The following TMTC2 variants were observed in gnomAD, a reference collection of about 807,000 sequenced individuals.
The protein encoded by TMTC2 is protein O-mannosyl-transferase TMTC2.
Under a neutral mutation model 82.4 loss-of-function variants are expected in TMTC2, and 43 were observed. The ratio of observed to expected loss-of-function variants is 0.52; its 90% CI spans 0.41 to 0.67. TMTC2 has a LOEUF of 0.67. TMTC2 is among the 30% of genes least tolerant of loss of function. The probability of loss-of-function intolerance (pLI) is 0.00; values close to 1 mark genes in which losing one functional copy is unlikely to be tolerated. For missense variants in TMTC2, 919 were observed against 1,012.4 expected, an observed-to-expected ratio of 0.91 and a Z score of 1.25; for synonymous variants, 408 against 381.9, an observed-to-expected ratio of 1.07 and a Z score of -0.80.
intron 3 of TMTC2, among the ~76,000 whole-genome samples, chr12:82,914,323 T>A (rs555977320): frequency 4.3e-4 from 65 of 152,270 alleles, no homozygotes; most frequent in African/African-American, 7.2e-4. Flanking sequence ...TTCTTTTTTT[T>A]AAAAAAATTC....
chr12:82,747,511 C>T (rs544021546), intron 1 of TMTC2, among the ~76,000 whole-genome samples: 2 of 152,152 alleles, frequency 1.3e-5, no homozygotes, highest in Admixed American at 1.3e-4. Flanking sequence ...ATTTCTCTGT[C>T]ATAATGCCAA....
intron 1 of TMTC2, among the ~76,000 whole-genome samples, chr12:82,731,088 G>A (rs924149362): frequency 1.3e-5 from 2 of 152,200 alleles, no homozygotes; most frequent in African/African-American, 4.8e-5. Context: ...AGAATCAAGT[G>A]CTAGACTTAT....
intron 1 of TMTC2, among the ~76,000 whole-genome samples, chr12:82,843,181 G>A (rs1870439762): frequency 6.6e-6 from 1 of 151,936 alleles, no homozygotes. Flanking sequence ...CTGCCTCCCG[G>A]GTTCAAGCGA....
chr12:82,933,947 C>G (rs140582646), intron 4 of TMTC2, among the ~76,000 whole-genome samples: 139 of 152,074 alleles, frequency 9.1e-4, no homozygotes, highest in African/African-American at 3.2e-3. Context: ...AAATTATATC[C>G]AAGAGGTATA....
intron 2 of TMTC2, among the ~76,000 whole-genome samples, chr12:82,876,876 T>C (rs991733128): frequency 1.1e-4 from 16 of 152,230 alleles, no homozygotes; most frequent in Non-Finnish European, 2.9e-5. Flanking sequence ...ATCTCATATC[T>C]AGAGTTTTCT....
At chr12:82,718,386 C>T (rs936379460) in intron 1 of TMTC2, among the ~76,000 whole-genome samples, 4 of 152,156 alleles carry the variant, frequency 2.6e-5, no homozygotes, top group Non-Finnish European at 5.9e-5. Flanking sequence ...CTGAATTATA[C>T]CTGTAGATCC....
At chr12:82,986,568 A>C (rs1023887773) in intron 8 of TMTC2, 7 of 152,958 alleles carry the variant, frequency 4.6e-5, no homozygotes, top group African/African-American at 1.7e-4. Context: ...GTTAGCCCCA[A>C]ATTGGCTATA....
intron 2 of TMTC2, among the ~76,000 whole-genome samples, chr12:82,878,115 A>G (rs907761770): frequency 6.6e-6 from 1 of 152,168 alleles, no homozygotes; most frequent in Non-Finnish European, 1.5e-5. Context: ...CATTTGCTCA[A>G]TCATTCATGT....
At chr12:82,825,509 A>G (rs952536120) in intron 1 of TMTC2, among the ~76,000 whole-genome samples, 8 of 152,104 alleles carry the variant, frequency 5.3e-5, no homozygotes, top group African/African-American at 1.7e-4. Flanking sequence ...TTGTCACTGG[A>G]GCTTCCTTTT....
rs558347475 is a variant in TMTC2 at position 83,116,182 on chromosome 12, TC to T, written c.2332-16026del. 8.5e-4 allele frequency among the ~76,000 whole-genome samples: 129 copies of T among 152,350 alleles called. 1 individual carries two copies. The highest frequency in any genetic ancestry group is 1.3e-3 in the Non-Finnish European group (87 of 68,030). On this transcript the variant is annotated intron_variant, in intron 11 of 11. Coordinates refer to ENST00000321196, the MANE Select transcript of TMTC2 (RefSeq NM_152588.3). The stretch of plus-strand genomic sequence containing the variant: ...GAGTGAGACATATGATGTTTGGTTT[TC>T]CATTCCTGAGTTACTTCACTTAGAA...
At chr12:82,858,180 G>C (rs1218045875) in intron 2 of TMTC2, among the ~76,000 whole-genome samples, 5 of 152,168 alleles carry the variant, frequency 3.3e-5, no homozygotes, top group Admixed American at 2.0e-4. Context: ...TTTGCCTTAG[G>C]GCATATTTGT....
chr12:83,027,128 C>T (rs1429972059), intron 8 of TMTC2, among the ~76,000 whole-genome samples: 2 of 152,008 alleles, frequency 1.3e-5, no homozygotes, highest in Non-Finnish European at 2.9e-5. Flanking sequence ...TGTGTTCAGA[C>T]ATGTCAACCA....
intron 8 of TMTC2, among the ~76,000 whole-genome samples, chr12:82,988,152 G>A (rs997621405): frequency 2.6e-5 from 4 of 152,254 alleles, no homozygotes; most frequent in African/African-American, 9.6e-5. Context: ...AATATTAAGG[G>A]AATACTATAC....
At chr12:83,016,032 T>G (rs1880662681) in intron 8 of TMTC2, among the ~76,000 whole-genome samples, 1 of 152,224 alleles carries the variant, frequency 6.6e-6, no homozygotes, top group African/African-American at 2.4e-5. Flanking sequence ...GATCTTTCTT[T>G]ATTTGTAAGT....
chr12:82,692,925 C>T (rs1872638886), intron 1 of TMTC2, among the ~76,000 whole-genome samples: 1 of 152,100 alleles, frequency 6.6e-6, no homozygotes, highest in Non-Finnish European at 1.5e-5. Flanking sequence ...ACATACAGTG[C>T]TAAATGTTTC....
chr12:83,074,615 T>C (rs374534246), intron 11 of TMTC2, among the ~76,000 whole-genome samples: 3 of 151,912 alleles, frequency 2.0e-5, no homozygotes, highest in African/African-American at 7.3e-5. Context: ...TGTCAGGGAA[T>C]TGGAGGAAAG....
At chr12:82,997,224 T>C (rs1399139078) in intron 8 of TMTC2, among the ~76,000 whole-genome samples, 2 of 129,752 alleles carry the variant, frequency 1.5e-5, no homozygotes, top group Admixed American at 8.3e-5. Flanking sequence ...TCTCTCTCTA[T>C]ATATATATAT....
chr12:82,896,776 CTTTTTA>C (rs1565798626), intron 3 of TMTC2, 130 bp downstream of exon 3: 1 of 659,582 alleles, frequency 1.5e-6, no homozygotes, highest in Admixed American at 3.4e-5. Flanking sequence ...ATCTTTCATT[CTTTTTA>C]TTTTTTTAAA....
chr12:82,766,391 AG>A (rs1203099430), intron 1 of TMTC2, among the ~76,000 whole-genome samples: 3 of 152,204 alleles, frequency 2.0e-5, no homozygotes, highest in Non-Finnish European at 4.4e-5. Context: ...CCCCAAAGAA[AG>A]AAAATGGTAT....
Sources: allele counts gnomAD v4.1 joint callset (sites outside exome capture counted in the v4.1 genomes callset), GRCh38; gene constraint gnomAD v4.1.1; transcripts MANE v1.5; gene names NCBI Gene and HGNC (gene_info 2026-07-23, HGNC 2026-07-21).